The following BABAM2 variants were observed in gnomAD, a reference collection of about 807,000 sequenced individuals.
The protein encoded by BABAM2 is BRISC and BRCA1 A complex member 2.
BABAM2 carries 31 observed loss-of-function variants against 54.7 expected under a neutral mutation model. The ratio of observed to expected loss-of-function variants is 0.57; its 90% CI spans 0.43 to 0.77. The LOEUF (loss-of-function observed/expected upper bound fraction) is 0.77. Ranked by LOEUF, BABAM2 falls within the 30% of genes least tolerant of loss-of-function variation. The probability of loss-of-function intolerance (pLI) is 0.00; values close to 1 mark genes in which losing one functional copy is unlikely to be tolerated. For synonymous variants in BABAM2, 167 were observed against 162.9 expected, an observed-to-expected ratio of 1.03 and a Z score of -0.19; for missense variants, 364 against 455.8, an observed-to-expected ratio of 0.80 and a Z score of 1.83.
intron 5 of BABAM2, among the ~76,000 whole-genome samples, chr2:28,031,243 C>A (rs527847882): frequency 6.6e-6 from 1 of 152,078 alleles, no homozygotes; most frequent in East Asian, 1.9e-4. Context: ...TCTGTGGAAG[C>A]GTTCCACCTA....
chr2:28,240,800 G>A (rs1300854332), intron 8 of BABAM2, among the ~76,000 whole-genome samples: 1 of 151,348 alleles, frequency 6.6e-6, no homozygotes, highest in Non-Finnish European at 1.5e-5. Flanking sequence ...AACCCAGGAG[G>A]TGGAGGTTGC....
At chr2:28,242,388 T>G (rs1558465827) in intron 9 of BABAM2, among the ~76,000 whole-genome samples, 1 of 152,262 alleles carries the variant, frequency 6.6e-6, no homozygotes, top group Non-Finnish European at 1.5e-5. Flanking sequence ...GTGGCTGTGC[T>G]GCCCTGCAGC....
At chr2:28,174,241 A>G (rs1263446079) in intron 7 of BABAM2, among the ~76,000 whole-genome samples, 1 of 152,242 alleles carries the variant, frequency 6.6e-6, no homozygotes. Flanking sequence ...TCATTCACTA[A>G]TTAAACAAAG....
intron 6 of BABAM2, among the ~76,000 whole-genome samples, chr2:28,073,840 T>C (rs1664397980): frequency 6.6e-6 from 1 of 152,050 alleles, no homozygotes; most frequent in Non-Finnish European, 1.5e-5. Flanking sequence ...GTGGGGGAGG[T>C]ACTCTTACAA....
In BABAM2 at chr2:28,338,548, G is replaced by C. The variant is rs1572447919; in HGVS notation, c.*35G>C. The C allele has an allele frequency of 6.2e-7, 1 of 1,610,104 alleles. No homozygotes were observed. The highest frequency in any genetic ancestry group is 8.5e-7 in the Non-Finnish European group (1 of 1,176,614). On this transcript the variant is annotated 3_prime_UTR_variant, in exon 12 of 12. Transcript: ENST00000379624. Reference sequence around the variant, plus strand: ...GTCTTGAGAGGTGGCCAGCCAGACTGCCTGTCCACATGCGTGTCAGCACAT... The same window carrying C: ...GTCTTGAGAGGTGGCCAGCCAGACTCCCTGTCCACATGCGTGTCAGCACAT...
chr2:28,026,971 A>AATATATATAAAAATATATAAATAT (rs1200500932), intron 5 of BABAM2, among the ~76,000 whole-genome samples: 2 of 86,916 alleles, frequency 2.3e-5, no homozygotes, highest in Non-Finnish European at 3.8e-5. Context: ...TATATATATA[A>AATATATATAAAAATATATAAATAT]ATATATAAAT....
intron 6 of BABAM2, among the ~76,000 whole-genome samples, chr2:28,115,402 G>A (rs141891439): frequency 0.02 from 3,010 of 152,062 alleles, 57 homozygotes; most frequent in South Asian, 0.05. Context: ...CAAGGCGGGC[G>A]GATCACGAGG....
At chr2:28,313,968 T>G (rs1258152272) in intron 11 of BABAM2, among the ~76,000 whole-genome samples, 2 of 152,142 alleles carry the variant, frequency 1.3e-5, no homozygotes, top group African/African-American at 4.8e-5. Flanking sequence ...AAAATCAAAA[T>G]GTAGAAAACC....
chr2:28,156,527 A>G (rs1672558797), intron 7 of BABAM2, among the ~76,000 whole-genome samples: 1 of 152,192 alleles, frequency 6.6e-6, no homozygotes, highest in Admixed American at 6.5e-5. Flanking sequence ...AAAGAATACT[A>G]AGTTATTAAT....
chr2:27,943,240 T>G (rs1669059325), intron 3 of BABAM2, among the ~76,000 whole-genome samples: 1 of 152,224 alleles, frequency 6.6e-6, no homozygotes, highest in Admixed American at 6.5e-5. Flanking sequence ...GTTAACCAAG[T>G]AATCTTTCTG....
intron 3 of BABAM2, among the ~76,000 whole-genome samples, chr2:27,937,257 A>G (rs1361159688): frequency 6.6e-6 from 1 of 152,196 alleles, no homozygotes; most frequent in East Asian, 1.9e-4. Context: ...AATAATGACA[A>G]AAGTCTGTAA....
chr2:27,888,710 T>C (rs1171128343), upstream of BABAM2, among the ~76,000 whole-genome samples: 1 of 152,224 alleles, frequency 6.6e-6, no homozygotes, highest in Non-Finnish European at 1.5e-5. Context: ...TCTACACAGA[T>C]GTCTGCAAAC....
intron 6 of BABAM2, among the ~76,000 whole-genome samples, chr2:28,070,556 C>CTTTTCTTT (rs57521666): frequency 6.8e-6 from 1 of 147,236 alleles, no homozygotes; most frequent in Non-Finnish European, 1.5e-5. Flanking sequence ...CTTTTCTTTT[C>CTTTTCTTT]TTTTTTTTTT....
intron 6 of BABAM2, 67 bp from the exon 7 acceptor site, chr2:28,129,204 T>G: frequency 7.8e-4 from 1,104 of 1,418,300 alleles, no homozygotes; most frequent in Non-Finnish European, 1.0e-3. Context: ...CAGTGGACTG[T>G]GAGCTTGACA....
At chr2:28,266,136 C>T (rs1280108758) in intron 10 of BABAM2, among the ~76,000 whole-genome samples, 1 of 152,112 alleles carries the variant, frequency 6.6e-6, no homozygotes, top group Non-Finnish European at 1.5e-5. Flanking sequence ...AGGCACACAC[C>T]ACCACGCTCG....
intron 6 of BABAM2, among the ~76,000 whole-genome samples, chr2:28,047,317 C>T (rs942995149): frequency 6.6e-6 from 1 of 152,220 alleles, no homozygotes; most frequent in African/African-American, 2.4e-5. Flanking sequence ...TCTAAGAAAC[C>T]CTTATAGCAT....
intron 7 of BABAM2, among the ~76,000 whole-genome samples, chr2:28,227,707 C>A (rs1044159013): frequency 2.6e-5 from 4 of 152,148 alleles, no homozygotes; most frequent in Middle Eastern, 6.8e-3. Flanking sequence ...TTGCATTGAC[C>A]ACACCCCTTC....
intron 7 of BABAM2, among the ~76,000 whole-genome samples, chr2:28,196,672 A>G (rs529562796): frequency 3.3e-5 from 5 of 151,948 alleles, no homozygotes; most frequent in South Asian, 2.1e-4. Flanking sequence ...GCAAGACCCT[A>G]TCTCCACACA....
intron 6 of BABAM2, among the ~76,000 whole-genome samples, chr2:28,094,566 G>A (rs1666433546): frequency 1.3e-5 from 2 of 152,042 alleles, no homozygotes; most frequent in African/African-American, 4.8e-5. Flanking sequence ...GAATGGAAGA[G>A]CTTTACAAAT....
Sources: allele counts gnomAD v4.1 joint callset (sites outside exome capture counted in the v4.1 genomes callset), GRCh38; gene constraint gnomAD v4.1.1; transcripts MANE v1.5; gene names NCBI Gene and HGNC (gene_info 2026-07-23, HGNC 2026-07-21).